MEGF8: variants seen among roughly 807,000 people sequenced by gnomAD.
MEGF8 encodes the protein multiple epidermal growth factor-like domains protein 8.
Under a neutral mutation model 302.9 loss-of-function variants are expected in MEGF8, and 156 were observed. That is an observed-to-expected ratio of 0.52 (90% CI 0.45 to 0.59). The LOEUF is 0.59. Among genes scored for constraint, MEGF8 ranks in the 20% least tolerant of loss-of-function variants. The probability of loss-of-function intolerance (pLI) is 0.00; values close to 1 mark genes in which losing one functional copy is unlikely to be tolerated. For synonymous variants in MEGF8, 1,621 were observed against 1,660.5 expected, an observed-to-expected ratio of 0.98 and a Z score of 0.58; for missense variants, 3,345 against 3,964.5, an observed-to-expected ratio of 0.84 and a Z score of 4.20.
At position 42,369,834 on chromosome 19, in the gene MEGF8, C is replaced by T. The variant is rs916916436; in HGVS notation, c.6834+111C>T. 4 of 1,203,630 alleles carry T rather than the reference C, an allele frequency of 3.3e-6. No homozygotes were observed. The highest frequency in any genetic ancestry group is 1.5e-5 in the African/African-American group (1 of 65,900). The allele number at this position is 1,203,630 out of a possible 1,614,324, so 74.6% of individuals were successfully genotyped here. A position where few individuals can be genotyped will look rare whatever the true frequency, so the allele number is the denominator to read the frequency against. On this transcript the variant is annotated intron_variant, in intron 38 of 41. Coordinates refer to ENST00000251268, the MANE Select transcript of MEGF8 (RefSeq NM_001271938.2). The surrounding 1 kb of genome is among the most constrained non-coding windows in gnomAD (Gnocchi z 5.7). ...ATCCTGAGCCCTGATAAGCCAGGGA[C>T]AGATAAGCCAGAGCCCTGTCCCAGG...
Position 42,344,568 on chromosome 19 carries a change from G to A in MEGF8, c.1916G>A (p.Ser639Asn), listed in dbSNP as rs1204592871. 4 of 1,597,418 alleles carry A rather than the reference G, an allele frequency of 2.5e-6. No individual in the cohort carries two copies. Among genetic ancestry groups the A allele is most frequent in the Admixed American group, 1.7e-5 (1 of 59,372 alleles). ...CTGGGCTGGTGCGTGCACAATGAGA[G>A]CTGCCTCCCTAGGCCTGGTGAGTGT... ...GTLGWCVHNE[S>N]CLPRPEQARC... The change falls in exon 11 of 42, where the codon AGC becomes AAC. Residue 639 changes from serine to asparagine, a missense_variant. Ser to Asn is a conservative substitution (Grantham distance 46). Coordinates refer to ENST00000251268, the MANE Select transcript of MEGF8 (RefSeq NM_001271938.2). The surrounding 1 kb of genome is among the most constrained non-coding windows in gnomAD (Gnocchi z 4.5).
rs557201151 is a variant in MEGF8 at position 42,350,787 on chromosome 19, T to C, written c.2736+403T>C. On this transcript the variant is annotated intron_variant, in intron 15 of 41. Transcript: ENST00000251268. ...AAGGGTCCAGGCTCTAAGTCCCTGC[T>C]CTGTCTCAAACAGAGTGAGGCTTCC... is the stretch of plus-strand genomic sequence containing the variant. Among the ~76,000 whole-genome samples the C allele has an allele frequency of 8.5e-5, 13 of 152,218 alleles. No homozygotes were observed. In the East Asian group the frequency reaches 2.3e-3, roughly 27 times the overall value.
In MEGF8 at chr19:42,350,278, G is replaced by A. The variant is rs1207205974; in HGVS notation, c.2630G>A (p.Gly877Asp). 9.9e-6 allele frequency: 16 copies of A among 1,611,016 alleles called. No individual in the cohort carries two copies. Among genetic ancestry groups the A allele is most frequent in the Non-Finnish European group, 1.3e-5 (15 of 1,179,818 alleles). The change falls in exon 15 of 42, where the codon GGC becomes GAC. Residue 877 changes from glycine (G) to aspartate (D), a missense_variant. Physicochemically the swap from Gly to Asp is moderately conservative, Grantham distance 94. Transcript: ENST00000251268. ...AGTGCCACCTGCCACCTGCGCCAGG[G>A]CGGAGCCCATTGCGGGGATGACGGG... ...LTSATCHLRQGGAHCGDDGAG... is the reference protein window; with the variant it reads ...LTSATCHLRQDGAHCGDDGAG...
Position 42,376,365 on chromosome 19 carries a change from G to A in MEGF8, c.8128G>A (p.Ala2710Thr). ...VTVCFPPDPT[A>T]PASAWKPAGL... Reference sequence around the variant, plus strand: ...CGTCTGCTTCCCACCTGACCCTACTGCCCCGGCCTCCGCCTGGAAGCCGGC... The same window carrying A: ...CGTCTGCTTCCCACCTGACCCTACTACCCCGGCCTCCGCCTGGAAGCCGGC... The change falls in exon 42 of 42, where the codon GCC becomes ACC. Residue 2710 changes from alanine to threonine, a missense_variant. By Grantham distance (58) the Ala-to-Thr change is moderately conservative. Transcript: ENST00000251268. The surrounding 1 kb of genome is among the most constrained non-coding windows in gnomAD (Gnocchi z 8.2). 1 of 1,613,352 alleles carries A rather than the reference G, an allele frequency of 6.2e-7. No homozygotes were observed. The highest frequency in any genetic ancestry group is 1.1e-5 in the South Asian group (1 of 91,082).
rs888419290 is a variant in MEGF8, at chr19:42,359,361, C to T, written c.5488+119C>T. ...CCCCTGCAGACCCACTGGCAGAGCTCCCGCTCTTCTGGATTATCTGAACAC... is the reference window on the plus strand; with the variant it reads ...CCCCTGCAGACCCACTGGCAGAGCTTCCGCTCTTCTGGATTATCTGAACAC... On this transcript the variant is annotated intron_variant, in intron 31 of 41. Transcript: ENST00000251268. The T allele has an allele frequency of 1.1e-5, 10 of 897,876 alleles. No individual in the cohort carries two copies. The South Asian group carries it at 3.4e-4, about 30-fold the overall frequency. The allele number at this position is 897,876 out of a possible 1,614,324, so 55.6% of individuals were successfully genotyped here.
intron 31 of MEGF8, among the ~76,000 whole-genome samples, chr19:42,359,462 A>G (rs180758119): frequency 5.3e-5 from 8 of 151,448 alleles, no homozygotes; most frequent in African/African-American, 9.7e-5. Flanking sequence ...AATGTTCACT[A>G]TATATAATTT....
intron 14 of MEGF8, 64 bp downstream of exon 14, chr19:42,349,763 T>A (rs2039342271): frequency 2.6e-6 from 4 of 1,522,604 alleles, no homozygotes. Flanking sequence ...ACCTGGGCTT[T>A]CTGAACCCCA....
At position 42,362,119 on chromosome 19, in the gene MEGF8, C is replaced by CAGGAGG; in HGVS notation, c.5751_5752insGGAGGA (p.Pro1917_Met1918insGlyGly). ...GGCTGCGGGGGCTCCCCCTGCTCCC[C>CAGGAGG]AATGCCTCGCTCCCCGGAGGAATGT... On this transcript the variant is annotated inframe_insertion, in exon 33 of 42. Transcript: ENST00000251268. The CAGGAGG allele has an allele frequency of 6.2e-7, 1 of 1,612,412 alleles. No homozygotes were observed. The highest frequency in any genetic ancestry group is 1.3e-5 in the African/African-American group (1 of 75,006).
intron 39 of MEGF8, 85 bp downstream of exon 39, chr19:42,370,444 C>A: frequency 8.1e-7 from 1 of 1,240,878 alleles, no homozygotes; most frequent in Non-Finnish European, 1.1e-6. Context: ...GGCTGGAGAC[C>A]TGGACCCTTG....
chr19:42,344,932 A>G lies in MEGF8; in HGVS notation c.2097+99A>G. On this transcript the variant is annotated intron_variant, in intron 12 of 41. Transcript: ENST00000251268. This position sits in a 1 kb window ranked among gnomAD's most constrained non-coding sequence, Gnocchi z 4.5. ...CTTTATCACTCTTATGTTTACTCCA[A>G]AACTCTTTACATTCAAGGGTCTTAT... The G allele has an allele frequency of 5.6e-6, 7 of 1,257,582 alleles. No individual in the cohort carries two copies. The highest frequency in any genetic ancestry group is 7.4e-6 in the Non-Finnish European group (7 of 944,438). The allele number at this position is 1,257,582 out of a possible 1,614,324, so 77.9% of individuals were successfully genotyped here.
intron 8 of MEGF8, among the ~76,000 whole-genome samples, chr19:42,339,922 G>A (rs2039188555): frequency 6.6e-6 from 1 of 152,136 alleles, no homozygotes; most frequent in African/African-American, 2.4e-5. Context: ...GCTAGTCATG[G>A]TGGCATGCGC....
intron 3 of MEGF8, 68 bp from the exon 4 acceptor site, chr19:42,334,967 G>T: frequency 6.8e-7 from 1 of 1,469,388 alleles, no homozygotes; most frequent in Non-Finnish European, 9.1e-7. Context: ...TCCTCTCTGT[G>T]TCTCCTTTGT....
chr19:42,327,198 G>GTTA (rs2038996374), intron 1 of MEGF8, among the ~76,000 whole-genome samples: 2 of 152,210 alleles, frequency 1.3e-5, no homozygotes, highest in South Asian at 4.1e-4. Flanking sequence ...TATTGTTGTT[G>GTTA]TTATTTGTGA....
intron 5 of MEGF8, among the ~76,000 whole-genome samples, 195 bp downstream of exon 5, chr19:42,335,580 C>T (rs1568556836): frequency 6.6e-6 from 1 of 152,094 alleles, no homozygotes; most frequent in Non-Finnish European, 1.5e-5. Flanking sequence ...TGCCTTTGTG[C>T]ATCTTATTTT....
intron 7 of MEGF8, 64 bp from the exon 8 acceptor site, chr19:42,337,020 C>T: frequency 1.2e-6 from 2 of 1,612,796 alleles, no homozygotes; most frequent in Non-Finnish European, 1.7e-6. Context: ...GCTGAGGCTC[C>T]CTGCAGGGGA....
chr19:42,352,502 G>T lies in MEGF8; in HGVS notation c.3350+46G>T. On this transcript the variant is annotated intron_variant, in intron 19 of 41. Coordinates refer to ENST00000251268, the MANE Select transcript of MEGF8 (RefSeq NM_001271938.2). The surrounding 1 kb of genome is among the most constrained non-coding windows in gnomAD (Gnocchi z 4.4). ...TATGGAGATGTTGCCCCAGGCTGGG[G>T]CACATGGAGGTGGAGGGAGGAAGCC... The T allele has an allele frequency of 1.4e-5, 21 of 1,532,206 alleles. No individual in the cohort carries two copies. Among genetic ancestry groups the T allele is most frequent in the Non-Finnish European group, 1.8e-5 (20 of 1,132,666 alleles). The allele number at this position is 1,532,206 out of a possible 1,614,324, so 94.9% of individuals were successfully genotyped here.
intron 41 of MEGF8, among the ~76,000 whole-genome samples, 186 bp downstream of exon 41, chr19:42,371,668 G>T (rs561910548): frequency 6.6e-6 from 1 of 152,292 alleles, no homozygotes; most frequent in South Asian, 2.1e-4. Flanking sequence ...CAGTGATGCT[G>T]GGGACCAAGA....
Position 42,354,756 on chromosome 19 carries a change from T to C in MEGF8, c.4144+36T>C. ...TAGGGGAAGTGGGACCTCTTAGTCC[T>C]GGGCTATGTATCCCTTGCCCCTGAA... On this transcript the variant is annotated intron_variant, in intron 23 of 41. Transcript: ENST00000251268. The surrounding 1 kb of genome is among the most constrained non-coding windows in gnomAD (Gnocchi z 4.3). The C allele has an allele frequency of 6.4e-7, 1 of 1,572,434 alleles. No homozygotes were observed. Among genetic ancestry groups the C allele is most frequent in the African/African-American group, 1.3e-5 (1 of 74,428 alleles).
chr19:42,364,452 G>T (rs1261020606), intron 35 of MEGF8, among the ~76,000 whole-genome samples: 1 of 152,210 alleles, frequency 6.6e-6, no homozygotes, highest in Non-Finnish European at 1.5e-5. Flanking sequence ...CATGAACTAA[G>T]TGATCAGTCC....
Sources: allele counts gnomAD v4.1 joint callset (sites outside exome capture counted in the v4.1 genomes callset), GRCh38; gene constraint gnomAD v4.1.1; non-coding constraint Gnocchi (gnomAD v3.1); transcripts MANE v1.5; gene names NCBI Gene and HGNC (gene_info 2026-07-23, HGNC 2026-07-21).